Variants in CDKL4 observed in about 807,000 individuals in gnomAD.
The protein encoded by CDKL4 is cyclin-dependent kinase-like 4.
In CDKL4, 44 loss-of-function variants were observed where a neutral mutation model predicts 42.0. The ratio of observed to expected loss-of-function variants is 1.05; its 90% CI spans 0.82 to 1.35. CDKL4 has a LOEUF of 1.35. Among genes scored for constraint, CDKL4 ranks in the 40% most tolerant of loss-of-function variants. The probability of loss-of-function intolerance (pLI) is 0.00; values close to 1 mark genes in which losing one functional copy is unlikely to be tolerated. For synonymous variants in CDKL4, 120 were observed against 121.6 expected (o/e 0.99, Z 0.09); for missense variants, 393 against 369.9 (o/e 1.06, Z -0.51).
chr2:39,235,013 C>T (rs1039683995), intron 1 of CDKL4, among the ~76,000 whole-genome samples: 29 of 152,146 alleles, frequency 1.9e-4, no homozygotes, highest in African/African-American at 6.7e-4. Flanking sequence ...CTTAGCCTCC[C>T]AAGTAGCTGG....
chr2:39,169,810 A>AT, the CDKL4 span, among the ~76,000 whole-genome samples: 1 of 151,914 alleles, frequency 6.6e-6, no homozygotes, highest in African/African-American at 2.4e-5. Context: ...ATTTTATTTT[A>AT]TTTTTTGAGA....
intron 6 of CDKL4, among the ~76,000 whole-genome samples, chr2:39,188,964 AT>A (rs1676007864): frequency 6.6e-6 from 1 of 152,206 alleles, no homozygotes; most frequent in African/African-American, 2.4e-5. Flanking sequence ...GCTTAGAGAA[AT>A]TTAATAACTT....
At chr2:39,208,383 C>G (rs575657820) in intron 4 of CDKL4, among the ~76,000 whole-genome samples, 1 of 149,842 alleles carries the variant, frequency 6.7e-6, no homozygotes, top group Non-Finnish European at 1.5e-5. Flanking sequence ...CTTTGTTGCT[C>G]AGGCTGGAGT....
At chr2:39,206,609 T>C (rs1184336277) in intron 4 of CDKL4, among the ~76,000 whole-genome samples, 1 of 152,172 alleles carries the variant, frequency 6.6e-6, no homozygotes, top group Admixed American at 6.5e-5. Flanking sequence ...TTACAGTTTA[T>C]CCACGCTCCC....
rs962680868 is a variant in CDKL4 at position 39,185,329 on chromosome 2, C to T, written c.736-682G>A. ...ATATGTATATATACATATATATACACATATGTATATATATACACATATGTA... is the reference window on the plus strand; with the variant it reads ...ATATGTATATATACATATATATACATATATGTATATATATACACATATGTA... On this transcript the variant is annotated intron_variant, in intron 7 of 9. Coordinates refer to ENST00000451199, the Ensembl canonical transcript of CDKL4. 1.0e-4 allele frequency among the ~76,000 whole-genome samples: 10 copies of T among 96,888 alleles called. 1 individual carries two copies. Among genetic ancestry groups the T allele is most frequent in the South Asian group, 3.1e-4 (1 of 3,248 alleles). The allele number at this position is 96,888 out of a possible 152,430, so 63.6% of individuals were successfully genotyped here.
At chr2:39,188,095 C>A (rs1336056061) in intron 6 of CDKL4, among the ~76,000 whole-genome samples, 1 of 151,548 alleles carries the variant, frequency 6.6e-6, no homozygotes, top group African/African-American at 2.4e-5. Flanking sequence ...AACAAACAAA[C>A]AAAAAACAAA....
At chr2:39,185,390 G>A (rs538554723) in intron 7 of CDKL4, among the ~76,000 whole-genome samples, 1,417 of 4,122 alleles carry the variant, frequency 0.34, 327 homozygotes, top group Non-Finnish European at 0.51. Flanking sequence ...ATATATACAT[G>A]TATATATACA....
intron 4 of CDKL4, among the ~76,000 whole-genome samples, chr2:39,205,497 C>T (rs1170278127): frequency 6.6e-6 from 1 of 151,586 alleles, no homozygotes; most frequent in Non-Finnish European, 1.5e-5. Flanking sequence ...CTCGGTGGCT[C>T]GCGCCTGTAA....
chr2:39,178,565 GTT>G (rs1280830137), intron 9 of CDKL4: 1 of 1,551,106 alleles, frequency 6.4e-7, no homozygotes, highest in African/African-American at 1.4e-5. Context: ...TAACTTCAAA[GTT>G]TTCTGAAAGC....
intron 1 of CDKL4, among the ~76,000 whole-genome samples, chr2:39,238,024 A>G (rs1432953904): frequency 6.6e-6 from 1 of 152,266 alleles, no homozygotes; most frequent in Non-Finnish European, 1.5e-5. Flanking sequence ...CTGCATACTG[A>G]AAATTACAAA....
intron 1 of CDKL4, among the ~76,000 whole-genome samples, chr2:39,242,031 CT>C (rs920598234): frequency 1.3e-5 from 2 of 149,424 alleles, no homozygotes; most frequent in African/African-American, 2.5e-5. Flanking sequence ...AAATAGTTTT[CT>C]TTTTCTTTTT....
intron 7 of CDKL4, among the ~76,000 whole-genome samples, chr2:39,185,390 G>GTA (rs1221433673): frequency 4.7e-4 from 2 of 4,288 alleles, no homozygotes; most frequent in East Asian, 5.4e-3. Flanking sequence ...ATATATACAT[G>GTA]TATATATACA....
At chr2:39,171,734 A>G (rs1675004318), downstream of CDKL4, among the ~76,000 whole-genome samples, 1 of 152,230 alleles carries the variant, frequency 6.6e-6, no homozygotes, top group African/African-American at 2.4e-5. Flanking sequence ...TGGAGACTCT[A>G]AGATACGTGT....
chr2:39,187,958 C>G (rs753979854), intron 6 of CDKL4, among the ~76,000 whole-genome samples: 1 of 151,988 alleles, frequency 6.6e-6, no homozygotes, highest in Non-Finnish European at 1.5e-5. Flanking sequence ...ATCCCAGCTA[C>G]TCAGGAGGCT....
chr2:39,217,716 ATTTATTTATT>A, intron 3 of CDKL4, among the ~76,000 whole-genome samples: 1 of 107,578 alleles, frequency 9.3e-6, no homozygotes, highest in East Asian at 2.2e-4. Context: ...TTATTTATTT[ATTTATTTATT>A]TATTTATTTA....
Position 39,218,684 on chromosome 2 carries a change from C to G in CDKL4, c.291-5212G>C, listed in dbSNP as rs182449601. 3.1e-4 allele frequency among the ~76,000 whole-genome samples: 47 copies of G among 152,278 alleles called. 1 individual carries two copies. Among genetic ancestry groups the G allele is most frequent in the African/African-American group, 1.1e-3 (47 of 41,554 alleles). ...CAAAACGGTAGGGGAAGGGCTGCTT[C>G]TCTCTCCTTGAGCTGGGACGTCCAT... On this transcript the variant is annotated intron_variant, in intron 3 of 9. Coordinates refer to ENST00000451199, the Ensembl canonical transcript of CDKL4.
At chr2:39,208,992 A>C (rs548994629) in intron 4 of CDKL4, among the ~76,000 whole-genome samples, 3 of 151,122 alleles carry the variant, frequency 2.0e-5, no homozygotes, top group South Asian at 4.2e-4. Context: ...AGCCTGACCC[A>C]CTCCTATCTC....
At chr2:39,171,600 A>G (rs1675001190), downstream of CDKL4, among the ~76,000 whole-genome samples, 1 of 152,234 alleles carries the variant, frequency 6.6e-6, no homozygotes, top group South Asian at 2.1e-4. Flanking sequence ...ACCAGGGCTG[A>G]GAGAGGTCTA....
At chr2:39,180,176 C>T (rs1443862635) in intron 8 of CDKL4, among the ~76,000 whole-genome samples, 1 of 152,160 alleles carries the variant, frequency 6.6e-6, no homozygotes, top group Non-Finnish European at 1.5e-5. Context: ...GTCCAGAGGT[C>T]TAGACCAGCC....
Sources: allele counts gnomAD v4.1 joint callset (sites outside exome capture counted in the v4.1 genomes callset), GRCh38; gene constraint gnomAD v4.1.1; transcripts MANE v1.5; gene names NCBI Gene and HGNC (gene_info 2026-07-23, HGNC 2026-07-21).